MYO9A: variants seen among roughly 807,000 people sequenced by gnomAD.
MYO9A encodes myosin IXA, also known as unconventional myosin-IXa.
MYO9A carries 103 observed loss-of-function variants against 293.3 expected under a neutral mutation model. The ratio of observed to expected loss-of-function variants is 0.35; its 90% CI spans 0.30 to 0.41. MYO9A has a LOEUF of 0.41. Among genes scored for constraint, MYO9A ranks in the 10% least tolerant of loss-of-function variants. The pLI is 1.00. For synonymous variants in MYO9A, 1,001 were observed against 1,035.7 expected (o/e 0.97, Z 0.64); for missense variants, 2,685 against 3,033.0 (o/e 0.89, Z 2.69).
rs7168999 is a variant in MYO9A at position 71,903,037 on chromosome 15, A to T, written c.2904T>A (p.Leu968=). 3.3e-3 allele frequency: 5,215 copies of T among 1,589,798 alleles called. 148 individuals carry two copies. The African/African-American group carries it at 0.06, about 18-fold the overall frequency. The part of the protein sequence containing the change: ...FQDFVSHFHV[L]LPRNIIPSKF... ...TGGATGGAATAATATTTCGGGGAAG[A>T]AGTACATGGAAGTGGCTCACAAAAT... Residue 968 remains leucine (L), a synonymous_variant, in exon 22 of 42, where the codon CTT becomes CTA. Coordinates refer to ENST00000356056, the MANE Select transcript of MYO9A (RefSeq NM_006901.4).
chr15:72,087,188 G>T (rs879638724), intron 1 of MYO9A, among the ~76,000 whole-genome samples: 1 of 152,144 alleles, frequency 6.6e-6, no homozygotes, highest in East Asian at 1.9e-4. Context: ...AACCAGGCTG[G>T]GTCCCCAGAA....
chr15:72,053,348 G>A (rs1295207233), intron 1 of MYO9A, among the ~76,000 whole-genome samples: 1 of 152,010 alleles, frequency 6.6e-6, no homozygotes, highest in African/African-American at 2.4e-5. Context: ...GCAGGTTGCA[G>A]TAAGCCAAGA....
Position 71,898,139 on chromosome 15 carries a change from A to G in MYO9A, c.4364T>C (p.Leu1455Pro), listed in dbSNP as rs1567242801. Residue 1455 changes from leucine (L) to proline (P), a missense_variant, in exon 25 of 42, where the codon CTT becomes CCT. Leu to Pro is a moderately conservative substitution (Grantham distance 98). This residue lies in a region of MYO9A where 1,434 missense variants were observed against 1,497.7 expected (regional missense o/e 0.96). Transcript: ENST00000356056. ...LENEDTAGEA[L>P]TLDINRETRR... Reference sequence around the variant, plus strand: ...AGTTTCCCTGTTGATATCCAAAGTAAGAGCTTCCCCCGCTGTGTCTTCATT... The same window carrying G: ...AGTTTCCCTGTTGATATCCAAAGTAGGAGCTTCCCCCGCTGTGTCTTCATT... 9 of 1,614,122 alleles carry G rather than the reference A, an allele frequency of 5.6e-6. No homozygotes were observed. Among genetic ancestry groups the G allele is most frequent in the Non-Finnish European group, 6.8e-6 (8 of 1,180,000 alleles).
At chr15:71,938,497 C>T (rs540953942) in intron 16 of MYO9A, among the ~76,000 whole-genome samples, 109 of 152,100 alleles carry the variant, frequency 7.2e-4, no homozygotes, top group Non-Finnish European at 1.2e-3. Flanking sequence ...TCAAACTATT[C>T]AATTATTACT....
chr15:71,880,447 C>T lies in MYO9A; in HGVS notation c.5510G>A (p.Ser1837Asn). ...EPSPKAKRKR[S>N]VKISNVALDS... ...CAAAGCCACGTTGCTAATCTTCACA[C>T]TTCGCTTGCGCTTAGCCTTTGGAGA... is the stretch of plus-strand genomic sequence containing the variant. The change falls in exon 29 of 42, where the codon AGT (serine) becomes AAT (asparagine). Residue 1837 changes from serine (S) to asparagine (N), a missense_variant. Transcript: ENST00000356056. The T allele has an allele frequency of 6.2e-7, 1 of 1,614,230 alleles. No individual in the cohort carries two copies. The highest frequency in any genetic ancestry group is 1.3e-5 in the African/African-American group (1 of 75,072).
At chr15:72,082,629 C>CAA (rs2079582312) in intron 1 of MYO9A, among the ~76,000 whole-genome samples, 1 of 151,944 alleles carries the variant, frequency 6.6e-6, no homozygotes, top group South Asian at 2.1e-4. Context: ...CAGATTAAGA[C>CAA]AAATGTTTCC....
chr15:72,051,286 C>T (rs1288393402), intron 1 of MYO9A, among the ~76,000 whole-genome samples: 2 of 152,168 alleles, frequency 1.3e-5, no homozygotes, highest in African/African-American at 4.8e-5. Context: ...GGAGGTGCAG[C>T]CAGGACTGCG....
At chr15:72,110,888 G>C (rs980928043) in intron 1 of MYO9A, among the ~76,000 whole-genome samples, 5 of 152,202 alleles carry the variant, frequency 3.3e-5, no homozygotes, top group African/African-American at 9.6e-5. Context: ...GGCCGGGCAT[G>C]GTGGCTCACG....
chr15:71,864,029 G>A (rs1416204100), intron 32 of MYO9A, among the ~76,000 whole-genome samples: 1 of 152,078 alleles, frequency 6.6e-6, no homozygotes, highest in Non-Finnish European at 1.5e-5. Context: ...AAGAAAAAAA[G>A]ATAAACCACA....
chr15:71,906,052 T>G (rs1309718229), intron 19 of MYO9A, among the ~76,000 whole-genome samples: 1 of 152,156 alleles, frequency 6.6e-6, no homozygotes, highest in Non-Finnish European at 1.5e-5. Context: ...TGATATTTCA[T>G]TCTATTTAAA....
intron 12 of MYO9A, among the ~76,000 whole-genome samples, chr15:71,969,660 C>T (rs149104601): frequency 1.1e-4 from 17 of 152,246 alleles, no homozygotes; most frequent in East Asian, 7.7e-4. Context: ...AATTGAAAAG[C>T]TTATGATATA....
intron 19 of MYO9A, among the ~76,000 whole-genome samples, chr15:71,906,940 CTTTTTT>C (rs1164013567): frequency 5.8e-5 from 8 of 137,044 alleles, no homozygotes; most frequent in Non-Finnish European, 8.0e-5. Flanking sequence ...TTTTTTTTTT[CTTTTTT>C]TTTTTTATTA....
At chr15:71,851,546 A>G (rs1034661460) in intron 36 of MYO9A, among the ~76,000 whole-genome samples, 188 bp from the exon 37 acceptor site, 1 of 152,228 alleles carries the variant, frequency 6.6e-6, no homozygotes, top group Non-Finnish European at 1.5e-5. Flanking sequence ...ATTCATAAAC[A>G]GTCTCCTTAG....
intron 11 of MYO9A, among the ~76,000 whole-genome samples, chr15:71,984,590 C>T (rs935143269): frequency 1.3e-5 from 2 of 152,048 alleles, no homozygotes; most frequent in Non-Finnish European, 2.9e-5. Flanking sequence ...CATGTTAGAC[C>T]TTTTTACTAT....
At chr15:71,967,944 T>A (rs372607044) in intron 13 of MYO9A, 40 bp downstream of exon 13, 38 of 1,570,888 alleles carry the variant, frequency 2.4e-5, no homozygotes, top group Non-Finnish European at 3.0e-5. Flanking sequence ...TAAGAACACA[T>A]CTCTGCCCTG....
chr15:72,088,515 C>T (rs1468063992), intron 1 of MYO9A, among the ~76,000 whole-genome samples: 1 of 152,146 alleles, frequency 6.6e-6, no homozygotes, highest in South Asian at 2.1e-4. Flanking sequence ...CTTTCCAACA[C>T]ATTATCAAAT....
intron 32 of MYO9A, among the ~76,000 whole-genome samples, chr15:71,867,391 C>T (rs1246197400): frequency 6.6e-6 from 1 of 152,062 alleles, no homozygotes; most frequent in Non-Finnish European, 1.5e-5. Context: ...AGAAGATTCA[C>T]AAGTTTAATT....
chr15:71,880,076 G>C (rs1468039067), intron 29 of MYO9A, among the ~76,000 whole-genome samples: 1 of 152,158 alleles, frequency 6.6e-6, no homozygotes, highest in East Asian at 1.9e-4. Flanking sequence ...AAACTCCCGT[G>C]TGCAACAAGC....
rs570435484 is a variant in MYO9A, at chr15:71,938,087, T to C, written c.2378+765A>G. Among the ~76,000 whole-genome samples the C allele has an allele frequency of 2.0e-5, 3 of 152,268 alleles. No homozygotes were observed. In the East Asian group the frequency reaches 5.8e-4, roughly 29 times the overall value. On this transcript the variant is annotated intron_variant, in intron 16 of 41. Coordinates refer to ENST00000356056, the MANE Select transcript of MYO9A (RefSeq NM_006901.4). ...ATCTTGCATATGAAGTTAGTGAACCTAGACTTTTAAATAAGCAATAAAGAG... is the reference window on the plus strand; with the variant it reads ...ATCTTGCATATGAAGTTAGTGAACCCAGACTTTTAAATAAGCAATAAAGAG...
Sources: gnomAD v4.1 joint callset for allele counts (sites outside exome capture counted in the v4.1 genomes callset) on GRCh38, gnomAD v4.1.1 for gene constraint, gnomAD v4.1.1 regional missense constraint, MANE v1.5 for transcripts, NCBI Gene and HGNC (gene_info 2026-07-23, HGNC 2026-07-21) for gene names.